Variants in PCDHGB1 observed in about 807,000 individuals in gnomAD.
PCDHGB1 encodes protocadherin gamma-B1.
In PCDHGB1, 34 loss-of-function variants were observed where a neutral mutation model predicts 56.6. The observed-to-expected ratio is 0.60, with a 90% CI of 0.46 to 0.80. The LOEUF (loss-of-function observed/expected upper bound fraction) is 0.80, where lower values mean the gene tolerates loss of function less well. PCDHGB1 is among the 30% of genes least tolerant of loss of function. The pLI is 0.00. For missense variants in PCDHGB1, 1,278 were observed against 1,204.6 expected, an observed-to-expected ratio of 1.06 and a Z score of -0.90; for synonymous variants, 561 against 505.9, an observed-to-expected ratio of 1.11 and a Z score of -1.46.
intron 2 of PCDHGB1, among the ~76,000 whole-genome samples, chr5:141,498,967 G>A (rs896386012): frequency 1.5e-5 from 2 of 129,584 alleles, no homozygotes. Context: ...GAGGGAGGGA[G>A]GGAGGGAAGG....
intron 1 of PCDHGB1, chr5:141,395,873 G>A (rs1430280971): frequency 6.6e-6 from 1 of 152,046 alleles, no homozygotes; most frequent in Non-Finnish European, 1.5e-5. Flanking sequence ...TTAAGTATGT[G>A]AGTCAGTGGT....
At chr5:141,398,893 C>G in intron 1 of PCDHGB1, 1 of 1,613,962 alleles carries the variant, frequency 6.2e-7, no homozygotes, top group Admixed American at 1.7e-5. Flanking sequence ...GGAAAACGTG[C>G]CACCAGGCAC....
rs1289890545 is a variant in PCDHGB1, at chr5:141,414,874, C to T, written c.2409+62205C>T. ...CCAGAACGACAATGCGCCCGAGATC[C>T]TGTACCCCGCCCTCCCCACAGACGG... is the stretch of plus-strand genomic sequence containing the variant. On this transcript the variant is annotated intron_variant, in intron 1 of 3. Transcript: ENST00000523390. 3.7e-6 allele frequency: 6 copies of T among 1,614,136 alleles called. No individual in the cohort carries two copies. The African/African-American group carries it at 8.0e-5, about 22-fold the overall frequency.
At position 141,490,646 on chromosome 5, in the gene PCDHGB1, C is replaced by G. The variant is rs202183643; in HGVS notation, c.2410-4161C>G. The G allele has an allele frequency of 8.7e-6, 14 of 1,614,068 alleles. No homozygotes were observed. In the African/African-American group the frequency reaches 1.7e-4, roughly 20 times the overall value. ...GCTTACATCCTAGAAAACCGGCCTC[C>G]GGGCTCCCTTCTTTGCACTGTGGCT... On this transcript the variant is annotated intron_variant, in intron 1 of 3. Coordinates refer to ENST00000523390, the MANE Select transcript of PCDHGB1 (RefSeq NM_018922.3). This position sits in a 1 kb window ranked among gnomAD's most constrained non-coding sequence, Gnocchi z 5.4.
Position 141,505,383 on chromosome 5 carries a change from C to T in PCDHGB1, c.2469-10C>T, listed in dbSNP as rs369765886. On this transcript the variant is annotated splice_polypyrimidine_tract_variant and intron_variant, in intron 2 of 3. Coordinates refer to ENST00000523390, the MANE Select transcript of PCDHGB1 (RefSeq NM_018922.3). Reference sequence around the variant, plus strand: ...GGGAGTCTGTGCTCACCATCCTACTCTCTCCCCAGCTCCCAAAATGGCGAT... The same window carrying T: ...GGGAGTCTGTGCTCACCATCCTACTTTCTCCCCAGCTCCCAAAATGGCGAT... The T allele has an allele frequency of 1.2e-6, 2 of 1,613,944 alleles. No individual in the cohort carries two copies. Among genetic ancestry groups the T allele is most frequent in the African/African-American group, 2.7e-5 (2 of 74,914 alleles).
At chr5:141,356,380 C>T (rs1323995819) in intron 1 of PCDHGB1, 6 of 1,566,080 alleles carry the variant, frequency 3.8e-6, no homozygotes, top group Non-Finnish European at 5.2e-6. Context: ...GCCATTCACA[C>T]TTGAAAAGAC....
In PCDHGB1 at chr5:141,491,832, C is replaced by A; in HGVS notation, c.2410-2975C>A. On this transcript the variant is annotated intron_variant, in intron 1 of 3. Coordinates refer to ENST00000523390, the MANE Select transcript of PCDHGB1 (RefSeq NM_018922.3). The surrounding 1 kb of genome is among the most constrained non-coding windows in gnomAD (Gnocchi z 6.9). ...GTCGCTGGCTGCGCTCCACCCGATT[C>A]TCGGGATCATTGGACCGTTTGCGCG... 6.8e-7 allele frequency: 1 copy of A among 1,474,424 alleles called. No individual in the cohort carries two copies. 91.3% of individuals were successfully genotyped at this position (1,474,424 alleles called of 1,614,324 possible).
chr5:141,409,203 T>TC, intron 1 of PCDHGB1: 1 of 1,613,964 alleles, frequency 6.2e-7, no homozygotes, highest in Non-Finnish European at 8.5e-7. Context: ...TGTAAAGTAA[T>TC]CATAGAAATC....
intron 1 of PCDHGB1, among the ~76,000 whole-genome samples, chr5:141,381,244 C>G (rs554184818): frequency 6.6e-6 from 1 of 152,242 alleles, no homozygotes; most frequent in South Asian, 2.1e-4. Context: ...TCTCCAGGAC[C>G]TAGAAGAATT....
At chr5:141,376,066 C>A in intron 1 of PCDHGB1, 1 of 1,613,396 alleles carries the variant, frequency 6.2e-7, no homozygotes, top group Non-Finnish European at 8.5e-7. Flanking sequence ...TCACGCTCAC[C>A]GTGGCCGTGG....
At chr5:141,455,984 G>A (rs1405675950) in intron 1 of PCDHGB1, among the ~76,000 whole-genome samples, 2 of 151,492 alleles carry the variant, frequency 1.3e-5, no homozygotes, top group East Asian at 1.9e-4. Context: ...TGCAAGCTCC[G>A]CCTCTCGGGT....
rs1254986724 is a variant in PCDHGB1, at chr5:141,490,928, C to G, written c.2410-3879C>G. ...CTAGACGAGAATGATAATGCCCCAGCTGTGCTGCACCCACGGCCAGACTGG... is the reference window on the plus strand; with the variant it reads ...CTAGACGAGAATGATAATGCCCCAGGTGTGCTGCACCCACGGCCAGACTGG... On this transcript the variant is annotated intron_variant, in intron 1 of 3. Transcript: ENST00000523390. The surrounding 1 kb of genome is among the most constrained non-coding windows in gnomAD (Gnocchi z 5.4). 2 of 1,613,466 alleles carry G rather than the reference C, an allele frequency of 1.2e-6. No homozygotes were observed. Among genetic ancestry groups the G allele is most frequent in the Non-Finnish European group, 1.7e-6 (2 of 1,179,624 alleles).
chr5:141,397,965 C>G (rs2093591451), intron 1 of PCDHGB1: 3 of 1,077,486 alleles, frequency 2.8e-6, no homozygotes, highest in South Asian at 1.7e-5. Context: ...AGCTCAGACT[C>G]CCCAGCGCCG....
chr5:141,421,734 G>A (rs761780459), intron 1 of PCDHGB1: 1 of 1,613,948 alleles, frequency 6.2e-7, no homozygotes, highest in Non-Finnish European at 8.5e-7. Flanking sequence ...ACTCCCTCCA[G>A]AGCTACCAGC....
At chr5:141,505,306 T>C in intron 2 of PCDHGB1, 87 bp from the exon 3 acceptor site, 4 of 1,596,550 alleles carry the variant, frequency 2.5e-6, no homozygotes, top group Non-Finnish European at 3.4e-6. Context: ...GTTAGGGTAC[T>C]AGGTTTGGGA....
intron 1 of PCDHGB1, chr5:141,405,100 G>A (rs764536213): frequency 1.2e-6 from 2 of 1,613,924 alleles, no homozygotes; most frequent in Non-Finnish European, 1.7e-6. Context: ...CCCTCAGGCT[G>A]AGGCACTGGC....
At chr5:141,368,697 G>A (rs1765805391) in intron 1 of PCDHGB1, among the ~76,000 whole-genome samples, 1 of 152,072 alleles carries the variant, frequency 6.6e-6, no homozygotes, top group Admixed American at 6.5e-5. Flanking sequence ...ACTATAAAAT[G>A]CTTGATCCAT....
intron 1 of PCDHGB1, among the ~76,000 whole-genome samples, chr5:141,438,641 C>T (rs1285585706): frequency 0.044 from 3,509 of 79,018 alleles, 123 homozygotes; most frequent in Non-Finnish European, 0.061. Flanking sequence ...TATATACACA[C>T]ACACACACAC....
Position 141,366,435 on chromosome 5 carries a change from G to A in PCDHGB1, c.2409+13766G>A, listed in dbSNP as rs1764554522. ...GTGGTGGCAGTGGCTGCAGTCTCCTGCGTCTTCCTGGCCTTCGTCATCGTG... is the reference window on the plus strand; with the variant it reads ...GTGGTGGCAGTGGCTGCAGTCTCCTACGTCTTCCTGGCCTTCGTCATCGTG... On this transcript the variant is annotated intron_variant, in intron 1 of 3. Transcript: ENST00000523390. 2 of 1,614,046 alleles carry A rather than the reference G, an allele frequency of 1.2e-6. No individual in the cohort carries two copies. The highest frequency in any genetic ancestry group is 1.3e-5 in the African/African-American group (1 of 74,958).
Sources: gnomAD v4.1 joint callset for allele counts (sites outside exome capture counted in the v4.1 genomes callset) on GRCh38, gnomAD v4.1.1 for gene constraint, Gnocchi (gnomAD v3.1) non-coding constraint, MANE v1.5 for transcripts, NCBI Gene and HGNC (gene_info 2026-07-23, HGNC 2026-07-21) for gene names.